The following MROH2B variants were observed in gnomAD, a reference collection of about 807,000 sequenced individuals.
The protein encoded by MROH2B is maestro heat like repeat family member 2B.
Under a neutral mutation model 208.6 loss-of-function variants are expected in MROH2B, and 177 were observed. The observed-to-expected ratio is 0.85, with a 90% confidence interval of 0.75 to 0.96. MROH2B has a LOEUF of 0.96. Among genes scored for constraint, MROH2B ranks in the 40% least tolerant of loss-of-function variants. The pLI, the probability that MROH2B is intolerant of heterozygous loss-of-function variation, is 0.00. For missense variants in MROH2B, 2,002 were observed against 1,878.7 expected (o/e 1.07, Z -1.21); for synonymous variants, 728 against 659.0 (o/e 1.10, Z -1.60).
chr5:41,058,648 TTATTTTATTG>T (rs919559411), intron 6 of MROH2B, among the ~76,000 whole-genome samples: 24 of 152,244 alleles, frequency 1.6e-4, no homozygotes, highest in African/African-American at 5.8e-4. Context: ...AGATTTTATT[TTATTTTATTG>T]TATTTTTTTG....
intron 3 of MROH2B, 87 bp from the exon 4 acceptor site, chr5:41,065,577 A>G: frequency 4.0e-6 from 4 of 1,002,100 alleles, no homozygotes; most frequent in South Asian, 3.8e-5. Flanking sequence ...TAATATTTAT[A>G]TATGCATTTA....
At chr5:41,029,629 A>G (rs913750733) in intron 24 of MROH2B, among the ~76,000 whole-genome samples, 2 of 152,186 alleles carry the variant, frequency 1.3e-5, no homozygotes, top group African/African-American at 4.8e-5. Context: ...TCAACTCACA[A>G]TGGATCAAAG....
intron 18 of MROH2B, among the ~76,000 whole-genome samples, chr5:41,042,812 C>T (rs1742996282): frequency 6.6e-6 from 1 of 152,022 alleles, no homozygotes; most frequent in Non-Finnish European, 1.5e-5. Context: ...ACCATGTTGG[C>T]GAGGCTGATC....
chr5:41,054,558 T>G (rs1743386189), intron 11 of MROH2B, among the ~76,000 whole-genome samples: 1 of 152,238 alleles, frequency 6.6e-6, no homozygotes, highest in Admixed American at 6.5e-5. Context: ...AATCTTCTTC[T>G]TTTCACTGAG....
intron 24 of MROH2B, among the ~76,000 whole-genome samples, chr5:41,021,577 G>T (rs1447561269): frequency 6.6e-6 from 1 of 152,074 alleles, no homozygotes; most frequent in Non-Finnish European, 1.5e-5. Flanking sequence ...TATGTAACTG[G>T]CATAAAGACA....
In MROH2B at chr5:41,055,852, T is replaced by C. The variant is rs1579954257; in HGVS notation, c.923A>G (p.His308Arg). 1.9e-6 allele frequency: 3 copies of C among 1,610,752 alleles called. No individual in the cohort carries two copies. The Middle Eastern group carries it at 5.0e-4, about 266-fold the overall frequency. ...TTCCATCAGCTCTCCAGGATTGGAA[T>C]GGGCTGCAGGTTCAAGAAACACTAG... ...KASSCFLILA[H>R]SNPGELMEFF... The change falls in exon 10 of 42, where the codon CAT becomes CGT. Residue 308 changes from histidine (H) to arginine (R), a missense_variant. By Grantham distance (29) the His-to-Arg change is conservative. Coordinates refer to ENST00000399564, the MANE Select transcript of MROH2B (RefSeq NM_173489.5).
At chr5:41,066,377 C>T (rs1347761601) in intron 3 of MROH2B, among the ~76,000 whole-genome samples, 4 of 152,080 alleles carry the variant, frequency 2.6e-5, no homozygotes, top group Admixed American at 6.6e-5. Context: ...TGAGTTGAGG[C>T]CTGAAAAAGA....
chr5:41,019,338 G>A (rs796700325), intron 24 of MROH2B, among the ~76,000 whole-genome samples: 115 of 53,534 alleles, frequency 2.1e-3, no homozygotes, highest in African/African-American at 9.3e-3. Flanking sequence ...TCTTGTGTGT[G>A]TGTGTGAGAG....
At chr5:41,055,539 TAA>T (rs1743420453) in intron 10 of MROH2B, among the ~76,000 whole-genome samples, 1 of 150,092 alleles carries the variant, frequency 6.7e-6, no homozygotes, top group African/African-American at 2.5e-5. Context: ...GGTGCATCCA[TAA>T]ATGTTACGAA....
At chr5:41,040,545 C>T (rs182941197) in intron 19 of MROH2B, among the ~76,000 whole-genome samples, 1 of 152,270 alleles carries the variant, frequency 6.6e-6, no homozygotes, top group African/African-American at 2.4e-5. Flanking sequence ...ATGAAAGTCA[C>T]GTGTTAACAC....
chr5:41,058,580 C>G (rs1436361775), intron 6 of MROH2B, among the ~76,000 whole-genome samples: 2 of 152,106 alleles, frequency 1.3e-5, no homozygotes, highest in African/African-American at 4.8e-5. Context: ...GCCTCAGCCT[C>G]CTGAGTAGCT....
chr5:41,029,904 G>C (rs1187587037), intron 24 of MROH2B, among the ~76,000 whole-genome samples: 1 of 151,902 alleles, frequency 6.6e-6, no homozygotes, highest in Non-Finnish European at 1.5e-5. Context: ...CCAAGTCTCA[G>C]CATCATGCAA....
At chr5:41,055,477 C>T (rs1021396276) in intron 10 of MROH2B, among the ~76,000 whole-genome samples, 1 of 117,000 alleles carries the variant, frequency 8.5e-6, no homozygotes, top group African/African-American at 3.3e-5. Flanking sequence ...CCTACAAGAG[C>T]TTCTAAATTC....
At position 41,055,874 on chromosome 5, in the gene MROH2B, C is replaced by T; in HGVS notation, c.920-19G>A. ...GAATGGGCTGCAGGTTCAAGAAACA[C>T]TAGAGCTGTAACTCATTTTCATCCT... is the stretch of plus-strand genomic sequence containing the variant. On this transcript the variant is annotated intron_variant, in intron 9 of 41. Transcript: ENST00000399564. 6.4e-7 allele frequency: 1 copy of T among 1,552,260 alleles called. No homozygotes were observed. Among genetic ancestry groups the T allele is most frequent in the South Asian group, 1.1e-5 (1 of 89,666 alleles).
intron 7 of MROH2B, among the ~76,000 whole-genome samples, chr5:41,057,563 CTT>C (rs776904759): frequency 1.4e-5 from 1 of 73,252 alleles, no homozygotes; most frequent in African/African-American, 5.1e-5. Context: ...AATATCCCTC[CTT>C]TTTTTTTTTG....
At chr5:41,016,140 A>G (rs1741941029) in intron 28 of MROH2B, among the ~76,000 whole-genome samples, 1 of 152,172 alleles carries the variant, frequency 6.6e-6, no homozygotes, top group African/African-American at 2.4e-5. Flanking sequence ...CTCTACTTTC[A>G]GTGGTCCAAG....
At chr5:41,040,584 C>T (rs1015696126) in intron 19 of MROH2B, among the ~76,000 whole-genome samples, 7 of 152,228 alleles carry the variant, frequency 4.6e-5, no homozygotes, top group South Asian at 4.1e-4. Flanking sequence ...ATTTATTAAG[C>T]GACTTGAGTA....
rs1211364496 is a variant in MROH2B at position 41,012,675 on chromosome 5, C to T, written c.3043G>A (p.Gly1015Ser). The T allele has an allele frequency of 1.2e-6, 2 of 1,613,860 alleles. No individual in the cohort carries two copies. The highest frequency in any genetic ancestry group is 1.7e-6 in the Non-Finnish European group (2 of 1,179,798). The change falls in exon 30 of 42, where the codon GGT becomes AGT. Residue 1015 changes from glycine (G) to serine (S), a missense_variant. Gly to Ser is a moderately conservative substitution (Grantham distance 56). Transcript: ENST00000399564. The stretch of plus-strand genomic sequence containing the variant: ...CAAGTGGGGTTGAGGCTCTCCAGAC[C>T]GTCCAGCATTTCCTCTAGGAACATC... Reference protein sequence around the residue: ...ILMFLEEMLDGLESLNPTCTK... With the variant: ...ILMFLEEMLDSLESLNPTCTK...
intron 35 of MROH2B, 123 bp from the exon 36 acceptor site, chr5:41,005,043 A>G: frequency 7.5e-7 from 1 of 1,327,224 alleles, no homozygotes; most frequent in Non-Finnish European, 1.0e-6. Flanking sequence ...CGGAGGAGGA[A>G]GCCCTCTGGT....
Sources: gnomAD v4.1 joint callset for allele counts (sites outside exome capture counted in the v4.1 genomes callset) on GRCh38, gnomAD v4.1.1 for gene constraint, MANE v1.5 for transcripts, NCBI Gene and HGNC (gene_info 2026-07-23, HGNC 2026-07-21) for gene names.